The following PAPPA variants were observed in gnomAD, a reference collection of about 807,000 sequenced individuals.
The protein encoded by PAPPA is pappalysin 1.
A neutral mutation model predicts 164.0 loss-of-function variants in PAPPA; 60 were observed. The observed-to-expected ratio is 0.37, with a 90% confidence interval of 0.30 to 0.45. The LOEUF (loss-of-function observed/expected upper bound fraction) is 0.45, where lower values mean the gene tolerates loss of function less well. Among genes scored for constraint, PAPPA ranks in the 20% least tolerant of loss-of-function variants. The pLI, the probability that PAPPA is intolerant of heterozygous loss-of-function variation, is 1.00. For missense variants in PAPPA, 1,782 were observed against 2,087.3 expected (o/e 0.85, Z 2.85); for synonymous variants, 875 against 814.1 (o/e 1.07, Z -1.27).
At chr9:116,300,332 C>T (rs1845565032) in intron 9 of PAPPA, among the ~76,000 whole-genome samples, 2 of 151,880 alleles carry the variant, frequency 1.3e-5, no homozygotes, top group Non-Finnish European at 2.9e-5. Flanking sequence ...GGCTGGAGTG[C>T]AGTGGTGTGA....
chr9:116,279,066 A>G (rs537946211), intron 9 of PAPPA, among the ~76,000 whole-genome samples: 1 of 152,282 alleles, frequency 6.6e-6, no homozygotes, highest in South Asian at 2.1e-4. Flanking sequence ...AAATGATCAA[A>G]CCTCCTAGTT....
intron 8 of PAPPA, among the ~76,000 whole-genome samples, chr9:116,267,832 G>A (rs1244320545): frequency 1.5e-5 from 2 of 137,492 alleles, no homozygotes; most frequent in East Asian, 2.2e-4. Flanking sequence ...CCGAGATTGC[G>A]CCACTGCAGT....
At chr9:116,167,270 T>C (rs1204600812) in intron 1 of PAPPA, among the ~76,000 whole-genome samples, 2 of 152,188 alleles carry the variant, frequency 1.3e-5, no homozygotes, top group African/African-American at 4.8e-5. Flanking sequence ...CCCACACACA[T>C]CCTCTCATAT....
intron 9 of PAPPA, among the ~76,000 whole-genome samples, chr9:116,278,557 A>C (rs1018964624): frequency 1.3e-5 from 2 of 152,214 alleles, no homozygotes; most frequent in Non-Finnish European, 2.9e-5. Flanking sequence ...GAAATGTTCC[A>C]TGGCATAAAG....
chr9:116,346,751 C>T (rs146442694), intron 14 of PAPPA, among the ~76,000 whole-genome samples: 8 of 152,298 alleles, frequency 5.3e-5, no homozygotes, highest in Non-Finnish European at 1.0e-4. Context: ...AAGAGCATAG[C>T]CTTTGGACTC....
Position 116,398,643 on chromosome 9 carries a change from C to A in PAPPA, c.*2027C>A, listed in dbSNP as rs986385583. 4.5e-5 allele frequency: 31 copies of A among 695,182 alleles called. No homozygotes were observed. Among genetic ancestry groups the A allele is most frequent in the Non-Finnish European group, 6.7e-5 (30 of 445,658 alleles). The allele number at this position is 695,182 out of a possible 1,614,324, so 43.1% of individuals were successfully genotyped here. Reference sequence around the variant, plus strand: ...TATCAAGGTGCTTTTGGCACAGGTGCCCACAAATACGGATGCAGTGCTGAG... The same window carrying A: ...TATCAAGGTGCTTTTGGCACAGGTGACCACAAATACGGATGCAGTGCTGAG... On this transcript the variant is annotated 3_prime_UTR_variant, in exon 22 of 22. Transcript: ENST00000328252.
chr9:116,333,882 C>T (rs1588008197), intron 12 of PAPPA, among the ~76,000 whole-genome samples: 1 of 152,144 alleles, frequency 6.6e-6, no homozygotes, highest in Non-Finnish European at 1.5e-5. Flanking sequence ...TCACCATCTT[C>T]CTCAGTCTAT....
intron 10 of PAPPA, among the ~76,000 whole-genome samples, chr9:116,313,970 C>T (rs1369377670): frequency 2.0e-5 from 3 of 150,398 alleles, no homozygotes; most frequent in Non-Finnish European, 4.4e-5. Flanking sequence ...GTGAGAATTC[C>T]ATGGGATAGC....
chr9:116,208,293 T>A (rs1204208966), intron 3 of PAPPA, among the ~76,000 whole-genome samples: 1 of 151,922 alleles, frequency 6.6e-6, no homozygotes, highest in Non-Finnish European at 1.5e-5. Context: ...TAAACATGCA[T>A]TTTTTTAACT....
At chr9:116,341,908 G>T (rs530060895) in intron 13 of PAPPA, among the ~76,000 whole-genome samples, 1 of 152,196 alleles carries the variant, frequency 6.6e-6, no homozygotes, top group East Asian at 1.9e-4. Context: ...GGCAGAGCAG[G>T]GGCTGGAGCC....
intron 7 of PAPPA, among the ~76,000 whole-genome samples, chr9:116,264,847 G>T (rs1845048318): frequency 6.6e-6 from 1 of 152,180 alleles, no homozygotes; most frequent in Non-Finnish European, 1.5e-5. Context: ...TAGGGAGGGG[G>T]ATGTGGTCGT....
chr9:116,293,838 C>G (rs1228068643), intron 9 of PAPPA, among the ~76,000 whole-genome samples: 1 of 152,030 alleles, frequency 6.6e-6, no homozygotes, highest in African/African-American at 2.4e-5. Context: ...TCCTGTAATC[C>G]CAGCTACTCA....
intron 13 of PAPPA, among the ~76,000 whole-genome samples, chr9:116,343,051 T>G (rs773654726): frequency 6.6e-6 from 1 of 152,144 alleles, no homozygotes; most frequent in Non-Finnish European, 1.5e-5. Flanking sequence ...GGGACAAGGT[T>G]AACAACAAGG....
intron 7 of PAPPA, among the ~76,000 whole-genome samples, chr9:116,260,862 A>G (rs1307277819): frequency 2.6e-5 from 4 of 152,242 alleles, no homozygotes; most frequent in Non-Finnish European, 4.4e-5. Flanking sequence ...TTTGGAAGTC[A>G]TGAAACACAA....
At chr9:116,212,635 A>G (rs1243839047) in intron 4 of PAPPA, among the ~76,000 whole-genome samples, 1 of 152,190 alleles carries the variant, frequency 6.6e-6, no homozygotes, top group Non-Finnish European at 1.5e-5. Context: ...AGCAAATTCT[A>G]TCAAGCCAAA....
Position 116,187,680 on chromosome 9 carries a change from C to T in PAPPA, c.942C>T (p.His314=), listed in dbSNP as rs1051024253. 1.6e-5 allele frequency: 26 copies of T among 1,614,224 alleles called. No homozygotes were observed. The highest frequency in any genetic ancestry group is 3.3e-5 in the Admixed American group (2 of 60,028). Residue 314 remains histidine (H), a synonymous_variant, in exon 2 of 22, where the codon CAC becomes CAT. Transcript: ENST00000328252. The surrounding 1 kb of genome is among the most constrained non-coding windows in gnomAD (Gnocchi z 4.2). ...CCAAAGTGGAATTCAGCAATGCCCA[C>T]GGCTTTCTGCTGGACACGAGTCTGG... The part of the protein sequence containing the change: ...SSPKVEFSNA[H]GFLLDTSLEP...
rs772007831 is a variant in PAPPA, at chr9:116,271,212, G to T, written c.2862-113G>T. 4.3e-6 allele frequency: 3 copies of T among 692,130 alleles called. No individual in the cohort carries two copies. Among genetic ancestry groups the T allele is most frequent in the Non-Finnish European group, 7.8e-6 (3 of 383,580 alleles). The allele number at this position is 692,130 out of a possible 1,614,324, so 42.9% of individuals were successfully genotyped here. A position where few individuals can be genotyped will look rare whatever the true frequency, so the allele number is the denominator to read the frequency against. ...AGAAGCAGAGACTCAGACAGAGAAA[G>T]GGATTTGTGCAAGGTCTCACTGAAG... is the stretch of plus-strand genomic sequence containing the variant. On this transcript the variant is annotated intron_variant, in intron 8 of 21. Transcript: ENST00000328252. This position sits in a 1 kb window ranked among gnomAD's most constrained non-coding sequence, Gnocchi z 4.2.
Position 116,367,762 on chromosome 9 carries a change from A to G in PAPPA, c.4605+8A>G, listed in dbSNP as rs1227670644. 1 of 1,581,108 alleles carries G rather than the reference A, an allele frequency of 6.3e-7. No homozygotes were observed. Among genetic ancestry groups the G allele is most frequent in the South Asian group, 1.1e-5 (1 of 90,192 alleles). On this transcript the variant is annotated splice_region_variant and intron_variant, in intron 19 of 21. Transcript: ENST00000328252. The stretch of plus-strand genomic sequence containing the variant: ...AACCCCACACGGGTAGAGGTGAGTG[A>G]CCAGGGACATCTACCCACCTGCAGC...
At position 116,398,437 on chromosome 9, in the gene PAPPA, T is replaced by G. The variant is rs886528352; in HGVS notation, c.*1821T>G. On this transcript the variant is annotated 3_prime_UTR_variant, in exon 22 of 22. Coordinates refer to ENST00000328252, the MANE Select transcript of PAPPA (RefSeq NM_002581.5). The stretch of plus-strand genomic sequence containing the variant: ...CATGCACGTGTGCAGCCCCACCTAA[T>G]TCCTGCATCCAAGGCAGGTGTTGTT... The G allele has an allele frequency of 8.2e-5, 39 of 474,336 alleles. No homozygotes were observed. Among genetic ancestry groups the G allele is most frequent in the African/African-American group, 4.9e-4 (24 of 48,540 alleles). The allele number at this position is 474,336 out of a possible 1,614,324, so 29.4% of individuals were successfully genotyped here.
Sources: allele counts gnomAD v4.1 joint callset (sites outside exome capture counted in the v4.1 genomes callset), GRCh38; gene constraint gnomAD v4.1.1; non-coding constraint Gnocchi (gnomAD v3.1); transcripts MANE v1.5; gene names NCBI Gene and HGNC (gene_info 2026-07-23, HGNC 2026-07-21).